SAMD12: variants seen among roughly 807,000 people sequenced by gnomAD.
SAMD12 encodes sterile alpha motif domain-containing protein 12.
In SAMD12, 9 loss-of-function variants were observed where a neutral mutation model predicts 15.0. That is an observed-to-expected ratio of 0.60 (90% CI 0.36 to 1.05). SAMD12 has a LOEUF of 1.05. Ranked by LOEUF, SAMD12 falls within the 50% of genes least tolerant of loss-of-function variation. SAMD12 has a pLI of 0.01. For missense variants in SAMD12, 230 were observed against 234.2 expected, an observed-to-expected ratio of 0.98 and a Z score of 0.12; for synonymous variants, 86 against 90.1, an observed-to-expected ratio of 0.96 and a Z score of 0.25.
intron 4 of SAMD12, among the ~76,000 whole-genome samples, chr8:118,264,827 A>G (rs1813161600): frequency 6.6e-6 from 1 of 152,158 alleles, no homozygotes; most frequent in Admixed American, 6.6e-5. Context: ...ATTGTCCTTT[A>G]TAGAAAGGAA....
intron 4 of SAMD12, among the ~76,000 whole-genome samples, chr8:118,231,505 G>A (rs1386716066): frequency 6.6e-6 from 1 of 152,140 alleles, no homozygotes; most frequent in Non-Finnish European, 1.5e-5. Context: ...AGTGGCTAAG[G>A]AAATTGAGAT....
chr8:118,486,407 A>C (rs769612801), intron 2 of SAMD12, among the ~76,000 whole-genome samples: 7 of 136,246 alleles, frequency 5.1e-5, no homozygotes, highest in East Asian at 4.8e-4. Context: ...CAGAGAGAGA[A>C]TCCGTCTAAA....
At chr8:118,453,744 C>T (rs1823155753) in intron 2 of SAMD12, among the ~76,000 whole-genome samples, 1 of 152,120 alleles carries the variant, frequency 6.6e-6, no homozygotes, top group Non-Finnish European at 1.5e-5. Flanking sequence ...TGGTCTCAAA[C>T]TCTTGGGCTC....
At chr8:118,492,964 G>A (rs1386595527) in intron 2 of SAMD12, among the ~76,000 whole-genome samples, 1 of 152,084 alleles carries the variant, frequency 6.6e-6, no homozygotes, top group Non-Finnish European at 1.5e-5. Context: ...ATTTACTGGA[G>A]AAGGCATCTC....
At chr8:118,453,222 TCTG>T (rs1823136022) in intron 2 of SAMD12, among the ~76,000 whole-genome samples, 1 of 152,176 alleles carries the variant, frequency 6.6e-6, no homozygotes, top group African/African-American at 2.4e-5. Context: ...CTCTATTTGG[TCTG>T]CTATGCCAAG....
At chr8:118,389,361 G>A (rs1260649510) in intron 3 of SAMD12, among the ~76,000 whole-genome samples, 2 of 152,216 alleles carry the variant, frequency 1.3e-5, no homozygotes, top group Non-Finnish European at 2.9e-5. Context: ...ATAATTGGGT[G>A]AAGAGAACTG....
chr8:118,157,718 A>G, the SAMD12 span, among the ~76,000 whole-genome samples: 1 of 152,210 alleles, frequency 6.6e-6, no homozygotes, highest in Non-Finnish European at 1.5e-5. Flanking sequence ...GTGAAACAGA[A>G]AATAAAGGAT....
chr8:118,554,998 T>C (rs1826481850), intron 2 of SAMD12, among the ~76,000 whole-genome samples: 1 of 152,194 alleles, frequency 6.6e-6, no homozygotes, highest in African/African-American at 2.4e-5. Flanking sequence ...ATATGCCATA[T>C]TTTTCCATGT....
intron 4 of SAMD12, among the ~76,000 whole-genome samples, chr8:118,254,781 T>C (rs1320559311): frequency 6.6e-6 from 1 of 152,076 alleles, no homozygotes; most frequent in East Asian, 1.9e-4. Context: ...GCCTGTGATT[T>C]TCCATCTTTC....
intron 3 of SAMD12, among the ~76,000 whole-genome samples, chr8:118,384,806 A>AC (rs1019832109): frequency 2.6e-5 from 4 of 152,146 alleles, no homozygotes; most frequent in African/African-American, 4.8e-5. Context: ...CTCTCCTCGA[A>AC]CCCCAAAGCT....
rs368257775 is a variant in SAMD12 at position 118,316,505 on chromosome 8, C to G, written c.433+63055G>C. On this transcript the variant is annotated intron_variant, in intron 4 of 4. Transcript: ENST00000409003. Reference sequence around the variant, plus strand: ...GAGCTGAGATCATGGCACTGCACTCCAGTCTGGTGATAGAACAAGACTGCC... The same window carrying G: ...GAGCTGAGATCATGGCACTGCACTCGAGTCTGGTGATAGAACAAGACTGCC... 2.6e-5 allele frequency among the ~76,000 whole-genome samples: 4 copies of G among 152,138 alleles called. No homozygotes were observed. The South Asian group carries it at 8.3e-4, about 32-fold the overall frequency.
intron 4 of SAMD12, among the ~76,000 whole-genome samples, chr8:118,353,902 C>G (rs566482230): frequency 6.6e-6 from 1 of 152,070 alleles, no homozygotes; most frequent in Non-Finnish European, 1.5e-5. Context: ...CTCCCCACCC[C>G]GCTTGCGCCT....
At chr8:118,324,538 A>G (rs1334984567) in intron 4 of SAMD12, among the ~76,000 whole-genome samples, 1 of 152,202 alleles carries the variant, frequency 6.6e-6, no homozygotes, top group Non-Finnish European at 1.5e-5. Context: ...AAGGTGAACT[A>G]TAATGAATAA....
At chr8:118,382,839 T>A (rs1012370760) in intron 3 of SAMD12, among the ~76,000 whole-genome samples, 9 of 152,236 alleles carry the variant, frequency 5.9e-5, no homozygotes, top group African/African-American at 2.2e-4. Flanking sequence ...AAATTTATTT[T>A]AAAATTTCCT....
chr8:118,618,779 C>T (rs1828313009), intron 1 of SAMD12, among the ~76,000 whole-genome samples: 1 of 148,214 alleles, frequency 6.7e-6, no homozygotes, highest in Non-Finnish European at 1.5e-5. Flanking sequence ...GCGGAGCTTG[C>T]AGTGAGCCGA....
At chr8:118,172,320 T>A in the SAMD12 span, among the ~76,000 whole-genome samples, 1 of 152,212 alleles carries the variant, frequency 6.6e-6, no homozygotes, top group East Asian at 1.9e-4. Context: ...GGTTGTTTTT[T>A]AAAAAAGAAA....
intron 4 of SAMD12, among the ~76,000 whole-genome samples, chr8:118,209,376 A>G (rs1819955181): frequency 6.6e-6 from 1 of 152,220 alleles, no homozygotes; most frequent in Admixed American, 6.5e-5. Context: ...CGAGGTTTGG[A>G]GATCTTCCCT....
At chr8:118,163,874 CAAACAAAACA>C in the SAMD12 span, among the ~76,000 whole-genome samples, 105,611 of 149,088 alleles carry the variant, frequency 0.71, 38,080 homozygotes, top group Middle Eastern at 0.85. Flanking sequence ...GACTCCGTCT[CAAACAAAACA>C]AAACAAAACA....
At chr8:118,207,638 G>A (rs1017878852) in intron 4 of SAMD12, among the ~76,000 whole-genome samples, 2 of 152,180 alleles carry the variant, frequency 1.3e-5, no homozygotes, top group Admixed American at 6.5e-5. Flanking sequence ...CTTAGTCACA[G>A]AGCACAGAGC....
Sources: gnomAD v4.1 joint callset for allele counts (sites outside exome capture counted in the v4.1 genomes callset) on GRCh38, gnomAD v4.1.1 for gene constraint, MANE v1.5 for transcripts, NCBI Gene and HGNC (gene_info 2026-07-23, HGNC 2026-07-21) for gene names.